PPDPFL: variants seen among roughly 807,000 people sequenced by gnomAD.
PPDPFL encodes the protein pancreatic progenitor cell differentiation and proliferation factor like, also known as pancreatic progenitor cell differentiation and proliferation factor-like protein.
Under a neutral mutation model 12.6 loss-of-function variants are expected in PPDPFL, and 12 were observed. The ratio of observed to expected loss-of-function variants is 0.95; its 90% CI spans 0.61 to 1.54. The LOEUF (loss-of-function observed/expected upper bound fraction) is 1.54, where lower values mean the gene tolerates loss of function less well. Ranked by LOEUF, PPDPFL falls within the 40% of genes most tolerant of loss-of-function variation. The pLI is 0.00. For missense variants in PPDPFL, 114 were observed against 96.0 expected, an observed-to-expected ratio of 1.19 and a Z score of -0.78; for synonymous variants, 24 against 32.7, an observed-to-expected ratio of 0.73 and a Z score of 0.91.
upstream of PPDPFL, among the ~76,000 whole-genome samples, chr8:49,068,304 TGAGAG>T (rs1808330288): frequency 6.6e-6 from 1 of 152,114 alleles, no homozygotes; most frequent in Non-Finnish European, 1.5e-5. Context: ...TAGGGTCAGG[TGAGAG>T]TGGTACCTGA....
intron 1 of PPDPFL, among the ~76,000 whole-genome samples, chr8:49,063,731 T>TA (rs1436831540): frequency 2.0e-5 from 3 of 151,580 alleles, no homozygotes; most frequent in Non-Finnish European, 4.4e-5. Flanking sequence ...AAAGTATATA[T>TA]AAAAAATGCA....
intron 1 of PPDPFL, 38 bp from the exon 2 acceptor site, chr8:49,072,749 A>G: frequency 1.0e-6 from 1 of 969,940 alleles, no homozygotes; most frequent in East Asian, 2.6e-5. Flanking sequence ...ACTCCCTGTT[A>G]TTCATATCAA....
intron 1 of PPDPFL, among the ~76,000 whole-genome samples, chr8:49,066,049 A>C (rs2129244737): frequency 6.6e-6 from 1 of 152,354 alleles, no homozygotes; most frequent in Middle Eastern, 3.4e-3. Context: ...CCAGTAAGCC[A>C]AAAAGAAGTC....
At chr8:49,058,815 T>A (rs1220776582) in intron 1 of PPDPFL, among the ~76,000 whole-genome samples, 3 of 152,224 alleles carry the variant, frequency 2.0e-5, no homozygotes, top group African/African-American at 7.2e-5. Flanking sequence ...TGCTTGGCTG[T>A]CATTGTGCAT....
intron 1 of PPDPFL, among the ~76,000 whole-genome samples, chr8:49,062,042 T>A (rs969639833): frequency 6.6e-6 from 1 of 152,246 alleles, no homozygotes; most frequent in Non-Finnish European, 1.5e-5. Flanking sequence ...TGTTCTAACC[T>A]GCCCATTGGA....
At chr8:49,066,338 C>A (rs577287497) in intron 1 of PPDPFL, among the ~76,000 whole-genome samples, 76 of 152,316 alleles carry the variant, frequency 5.0e-4, no homozygotes, top group African/African-American at 1.8e-3. Flanking sequence ...CCGCTGGGGG[C>A]TCTGTGTTGG....
intron 4 of PPDPFL, 160 bp from the exon 5 acceptor site, chr8:49,074,973 TTTAGAATCATTATTTAAAA>T (rs1808466669): frequency 7.3e-7 from 1 of 1,369,000 alleles, no homozygotes; most frequent in Non-Finnish European, 9.6e-7. Context: ...CTAAGACAAA[TTTAGAATCATTATTTAAAA>T]TTAGAATCAT....
intron 1 of PPDPFL, among the ~76,000 whole-genome samples, chr8:49,055,409 C>T (rs919300263): frequency 7.2e-5 from 11 of 152,068 alleles, no homozygotes; most frequent in African/African-American, 2.7e-4. Flanking sequence ...CTGCTCAGGC[C>T]CCATTTCCTG....
chr8:49,062,566 A>G (rs1299598577), intron 1 of PPDPFL, among the ~76,000 whole-genome samples: 1 of 152,190 alleles, frequency 6.6e-6, no homozygotes, highest in Non-Finnish European at 1.5e-5. Flanking sequence ...TCTGTTTTTC[A>G]GGACTGAGGT....
Position 49,076,078 on chromosome 8 carries a change from T to C in PPDPFL, c.*905T>C, listed in dbSNP as rs556266615. On this transcript the variant is annotated 3_prime_UTR_variant, in exon 5 of 5. Transcript: ENST00000522267. ...GTGCGTAATTAGAAAATAATAAATG[T>C]TAATATAAAAAAGCACTGAAATTTT... 3.3e-5 allele frequency: 5 copies of C among 152,318 alleles called. No individual in the cohort carries two copies. The South Asian group carries it at 1.0e-3, about 32-fold the overall frequency. 9.4% of individuals were successfully genotyped at this position (152,318 alleles called of 1,614,324 possible).
At chr8:49,060,056 G>A (rs998890127) in intron 1 of PPDPFL, among the ~76,000 whole-genome samples, 2 of 152,172 alleles carry the variant, frequency 1.3e-5, no homozygotes, top group African/African-American at 4.8e-5. Context: ...GGAAATGAAA[G>A]AACACTGTAG....
intron 1 of PPDPFL, among the ~76,000 whole-genome samples, chr8:49,065,884 G>C (rs1485674790): frequency 1.3e-5 from 2 of 152,190 alleles, no homozygotes; most frequent in African/African-American, 2.4e-5. Context: ...TGATTTTAAT[G>C]GTCAGAGTGC....
At chr8:49,067,972 A>AT (rs749814180), upstream of PPDPFL, among the ~76,000 whole-genome samples, 82 of 152,192 alleles carry the variant, frequency 5.4e-4, no homozygotes, top group Non-Finnish European at 1.1e-3. Context: ...GTACTTGGAT[A>AT]TTTAAAAAAA....
chr8:49,070,238 A>G (rs1379226530), upstream of PPDPFL, among the ~76,000 whole-genome samples: 3 of 152,056 alleles, frequency 2.0e-5, no homozygotes, highest in Admixed American at 6.6e-5. Context: ...ACTGGGGTCT[A>G]TTGGAGGGTG....
Position 49,075,354 on chromosome 8 carries a change from A to T in PPDPFL, c.*181A>T. 3.3e-6 allele frequency: 4 copies of T among 1,221,360 alleles called. No individual in the cohort carries two copies. Among genetic ancestry groups the T allele is most frequent in the Non-Finnish European group, 4.8e-6 (4 of 825,704 alleles). The allele number at this position is 1,221,360 out of a possible 1,614,324, so 75.7% of individuals were successfully genotyped here. ...TCTTCTCCATTGTAAGAAGACAGAA[A>T]TGTGTCTGAGATCTCATTTATGAGA... On this transcript the variant is annotated 3_prime_UTR_variant, in exon 5 of 5. Transcript: ENST00000522267.
At chr8:49,071,550 G>A (rs1188083421), upstream of PPDPFL, among the ~76,000 whole-genome samples, 1 of 152,104 alleles carries the variant, frequency 6.6e-6, no homozygotes, top group Non-Finnish European at 1.5e-5. Flanking sequence ...CAGCTACTGG[G>A]GAGGCTGAGG....
chr8:49,054,587 G>T (rs530103614), intron 1 of PPDPFL, among the ~76,000 whole-genome samples: 30 of 152,136 alleles, frequency 2.0e-4, no homozygotes, highest in African/African-American at 7.2e-4. Flanking sequence ...TTGCTCAGGG[G>T]CTGATATTTC....
intron 4 of PPDPFL, 67 bp downstream of exon 4, chr8:49,074,400 T>TG: frequency 1.3e-6 from 2 of 1,577,974 alleles, no homozygotes; most frequent in Non-Finnish European, 1.7e-6. Context: ...ATATGGTATG[T>TG]GTTATGCTAC....
rs1808495417 is a variant in PPDPFL at position 49,076,063 on chromosome 8, A to G, written c.*890A>G. On this transcript the variant is annotated 3_prime_UTR_variant, in exon 5 of 5. Coordinates refer to ENST00000522267, the MANE Select transcript of PPDPFL (RefSeq NM_001256597.2). ...AATATGACAAGTATTGTGCGTAATT[A>G]GAAAATAATAAATGTTAATATAAAA... 1 of 152,218 alleles carries G rather than the reference A, an allele frequency of 6.6e-6. No individual in the cohort carries two copies. Among genetic ancestry groups the G allele is most frequent in the African/African-American group, 2.4e-5 (1 of 41,460 alleles). 9.4% of individuals were successfully genotyped at this position (152,218 alleles called of 1,614,324 possible).
Sources: gnomAD v4.1 joint callset for allele counts (sites outside exome capture counted in the v4.1 genomes callset) on GRCh38, gnomAD v4.1.1 for gene constraint, MANE v1.5 for transcripts, NCBI Gene and HGNC (gene_info 2026-07-23, HGNC 2026-07-21) for gene names.